FHOD3: variants seen among roughly 807,000 people sequenced by gnomAD.
FHOD3 encodes formin homology 2 domain containing 3.
A neutral mutation model predicts 173.0 loss-of-function variants in FHOD3; 90 were observed. That is an observed-to-expected ratio of 0.52 (90% confidence interval 0.44 to 0.62). The LOEUF (loss-of-function observed/expected upper bound fraction) is 0.62, where lower values mean the gene tolerates loss of function less well. Among genes scored for constraint, FHOD3 ranks in the 20% least tolerant of loss-of-function variants. FHOD3 has a pLI of 0.00. For synonymous variants in FHOD3, 828 were observed against 823.0 expected (o/e 1.01, Z -0.10); for missense variants, 1,945 against 2,034.7 (o/e 0.96, Z 0.85).
In FHOD3 at chr18:36,718,254, A is replaced by G; in HGVS notation, c.2956A>G (p.Asn986Asp). 6.2e-7 allele frequency: 1 copy of G among 1,614,154 alleles called. No homozygotes were observed. Among genetic ancestry groups the G allele is most frequent in the East Asian group, 2.2e-5 (1 of 44,882 alleles). ...SDYIWDQLMA[N>D]PRELRIQDMD... ...TTACATCTGGGACCAGCTCATGGCCAATCCAAGAGAGCTCAGAATCCAAGA... is the reference window on the plus strand; with the variant it reads ...TTACATCTGGGACCAGCTCATGGCCGATCCAAGAGAGCTCAGAATCCAAGA... The change falls in exon 19 of 29, where the codon AAT (asparagine) becomes GAT (aspartate). Residue 986 changes from asparagine (N) to aspartate (D), a missense_variant. Around this residue, in one of 5 missense-constraint regions of FHOD3, gnomAD observed 1,099 missense variants for 1,051.2 expected, o/e 1.05. Coordinates refer to ENST00000590592, the MANE Select transcript of FHOD3 (RefSeq NM_001281740.3).
chr18:36,759,390 C>T (rs979531120), intron 26 of FHOD3, among the ~76,000 whole-genome samples: 2 of 152,154 alleles, frequency 1.3e-5, no homozygotes, highest in Non-Finnish European at 2.9e-5. Context: ...TAATCAGTAA[C>T]CATGTCACAA....
At chr18:36,567,713 G>T (rs1454762513) in intron 5 of FHOD3, among the ~76,000 whole-genome samples, 2 of 152,194 alleles carry the variant, frequency 1.3e-5, no homozygotes, top group Non-Finnish European at 2.9e-5. Context: ...TCAAATTAGT[G>T]CAAAACCCAG....
At chr18:36,725,685 C>A (rs934444510) in intron 19 of FHOD3, among the ~76,000 whole-genome samples, 4 of 152,186 alleles carry the variant, frequency 2.6e-5, no homozygotes, top group Admixed American at 2.6e-4. Flanking sequence ...GGCCTTTTCC[C>A]TTCCTGAGAA....
At chr18:36,458,144 A>G (rs1347363797) in intron 3 of FHOD3, among the ~76,000 whole-genome samples, 1 of 152,180 alleles carries the variant, frequency 6.6e-6, no homozygotes, top group Non-Finnish European at 1.5e-5. Context: ...GTATGGTGTC[A>G]GTGATCAATA....
At chr18:36,401,087 C>A (rs2048788161) in intron 3 of FHOD3, among the ~76,000 whole-genome samples, 1 of 152,132 alleles carries the variant, frequency 6.6e-6, no homozygotes, top group African/African-American at 2.4e-5. Context: ...CAGCATTTTG[C>A]AGGACGTGAT....
At chr18:36,375,392 C>T (rs189928820) in intron 3 of FHOD3, among the ~76,000 whole-genome samples, 80 of 152,338 alleles carry the variant, frequency 5.3e-4, no homozygotes, top group African/African-American at 1.9e-3. Flanking sequence ...CCACATGCAA[C>T]TCCCCTGAAG....
intron 1 of FHOD3, among the ~76,000 whole-genome samples, chr18:36,325,193 T>C (rs1422394448): frequency 6.6e-6 from 1 of 151,050 alleles, no homozygotes; most frequent in African/African-American, 2.4e-5. Flanking sequence ...TGGCAGGGAG[T>C]GGTGGGGGTC....
intron 7 of FHOD3, among the ~76,000 whole-genome samples, chr18:36,599,840 C>G (rs959390845): frequency 6.6e-6 from 1 of 151,852 alleles, no homozygotes. Context: ...TATCATGTAA[C>G]AGACACAACT....
In FHOD3 at chr18:36,451,001, G is replaced by A. The variant is rs150757951; in HGVS notation, c.338-50931G>A. Among the ~76,000 whole-genome samples the A allele has an allele frequency of 1.2e-3, 184 of 152,270 alleles. 1 individual carries two copies. The highest frequency in any genetic ancestry group is 4.1e-3 in the African/African-American group (169 of 41,544). ...GAATAATTGGTAATCATGTCTGTTCGTTATTTATTCCTACTACAGTAGTCT... is the reference window on the plus strand; with the variant it reads ...GAATAATTGGTAATCATGTCTGTTCATTATTTATTCCTACTACAGTAGTCT... On this transcript the variant is annotated intron_variant, in intron 3 of 28. Transcript: ENST00000590592.
At chr18:36,457,668 G>C (rs1475402959) in intron 3 of FHOD3, among the ~76,000 whole-genome samples, 1 of 152,188 alleles carries the variant, frequency 6.6e-6, no homozygotes, top group Non-Finnish European at 1.5e-5. Context: ...AGCAGCAGCT[G>C]TAACAGGTGA....
At chr18:36,594,080 A>G (rs1162849892) in intron 6 of FHOD3, among the ~76,000 whole-genome samples, 1 of 152,152 alleles carries the variant, frequency 6.6e-6, no homozygotes, top group Non-Finnish European at 1.5e-5. Context: ...AGGGCTGGTA[A>G]AGCTGGGGTT....
chr18:36,743,553 A>G (rs1446663847), intron 22 of FHOD3, among the ~76,000 whole-genome samples: 1 of 152,092 alleles, frequency 6.6e-6, no homozygotes, highest in Non-Finnish European at 1.5e-5. Context: ...CTTTTTTTTA[A>G]GTTCTGGGGT....
At chr18:36,733,375 T>C (rs2041470428) in intron 20 of FHOD3, among the ~76,000 whole-genome samples, 1 of 152,152 alleles carries the variant, frequency 6.6e-6, no homozygotes, top group South Asian at 2.1e-4. Flanking sequence ...CACAACAAGG[T>C]CCTTTAGAGA....
At position 36,760,862 on chromosome 18, in the gene FHOD3, C is replaced by T. The variant is rs1315736715; in HGVS notation, c.4624+80C>T. On this transcript the variant is annotated intron_variant, in intron 27 of 28. Transcript: ENST00000590592. The stretch of plus-strand genomic sequence containing the variant: ...GGGGTCCGGTCTCCATCGCAGGCTG[C>T]GGTCCACGGCTGTGACTGGCCCTCG... 14 of 1,411,536 alleles carry T rather than the reference C, an allele frequency of 9.9e-6. No individual in the cohort carries two copies. In the Admixed American group the frequency reaches 1.6e-4, roughly 16 times the overall value. The allele number at this position is 1,411,536 out of a possible 1,614,324, so 87.4% of individuals were successfully genotyped here. A position where few individuals can be genotyped will look rare whatever the true frequency, so the allele number is the denominator to read the frequency against.
chr18:36,549,218 A>G (rs2057536600), intron 5 of FHOD3, among the ~76,000 whole-genome samples: 1 of 152,128 alleles, frequency 6.6e-6, no homozygotes, highest in Non-Finnish European at 1.5e-5. Flanking sequence ...CTATCCATCC[A>G]TCATCTTTGG....
At chr18:36,405,267 A>T (rs2049004016) in intron 3 of FHOD3, among the ~76,000 whole-genome samples, 9 of 152,224 alleles carry the variant, frequency 5.9e-5, no homozygotes. Context: ...GATGGGCCTC[A>T]CAACACTTCA....
intron 1 of FHOD3, among the ~76,000 whole-genome samples, chr18:36,352,273 A>T (rs1206031360): frequency 6.6e-6 from 1 of 152,118 alleles, no homozygotes; most frequent in Admixed American, 6.5e-5. Flanking sequence ...TAGTAAATAA[A>T]AATAAAAGAA....
At chr18:36,479,347 A>G (rs1028391683) in intron 3 of FHOD3, among the ~76,000 whole-genome samples, 2 of 152,216 alleles carry the variant, frequency 1.3e-5, no homozygotes, top group Non-Finnish European at 2.9e-5. Flanking sequence ...TTCCTGTGTC[A>G]TCATAATAAA....
chr18:36,745,429 G>T (rs1301339804), intron 23 of FHOD3, among the ~76,000 whole-genome samples: 1 of 152,144 alleles, frequency 6.6e-6, no homozygotes, highest in East Asian at 1.9e-4. Context: ...ATAGCATCAG[G>T]AAGCCCAGTA....
Sources: allele counts gnomAD v4.1 joint callset (sites outside exome capture counted in the v4.1 genomes callset), GRCh38; gene constraint gnomAD v4.1.1; regional missense constraint gnomAD v4.1.1; transcripts MANE v1.5; gene names NCBI Gene and HGNC (gene_info 2026-07-23, HGNC 2026-07-21).